Variants in FGF13 observed in about 807,000 individuals in gnomAD.
FGF13 encodes fibroblast growth factor homologous factor 2.
Under a neutral mutation model 19.5 loss-of-function variants are expected in FGF13, and 2 were observed. The ratio of observed to expected loss-of-function variants is 0.10; its 90% CI spans 0.04 to 0.32. The LOEUF (loss-of-function observed/expected upper bound fraction) is 0.32. FGF13 is among the 10% of genes least tolerant of loss of function. FGF13 has a pLI of 1.00. For synonymous variants in FGF13, 72 were observed against 76.9 expected, an observed-to-expected ratio of 0.94 and a Z score of 0.33; for missense variants, 113 against 192.7, an observed-to-expected ratio of 0.59 and a Z score of 2.45.
At chrX:138,887,737 G>T (rs1244446600) in intron 1 of FGF13, among the ~76,000 whole-genome samples, 1 of 111,988 alleles carries the variant, frequency 8.9e-6, no homozygotes, top group African/African-American at 3.2e-5. Flanking sequence ...CATTCAAGGG[G>T]ATGATGATAG....
chrX:139,199,355 A>G (rs1266491940), intron 1 of FGF13, among the ~76,000 whole-genome samples: 4 of 111,527 alleles, frequency 3.6e-5, no homozygotes, highest in Non-Finnish European at 7.5e-5. Flanking sequence ...CATTCTTTTC[A>G]AATTTCTCAA....
At chrX:139,072,704 T>C (rs1237939571) in intron 1 of FGF13, among the ~76,000 whole-genome samples, 1 of 111,880 alleles carries the variant, frequency 8.9e-6, no homozygotes, top group Non-Finnish European at 1.9e-5. Flanking sequence ...GGTTTATTTG[T>C]TTTTGTTACT....
At chrX:138,967,884 T>G (rs1016148960) in intron 1 of FGF13, among the ~76,000 whole-genome samples, 11 of 111,134 alleles carry the variant, frequency 9.9e-5, no homozygotes, top group Non-Finnish European at 1.7e-4. Flanking sequence ...TAAAGTTTCC[T>G]GCAAGCAGGA....
chrX:138,775,500 G>A (rs185848391), intron 3 of FGF13, among the ~76,000 whole-genome samples: 1 of 111,875 alleles, frequency 8.9e-6, no homozygotes, highest in African/African-American at 3.2e-5. Context: ...TGGACAGTGC[G>A]TCAAACATTT....
chrX:139,176,231 T>C (rs756621997), intron 1 of FGF13, among the ~76,000 whole-genome samples: 1 of 111,854 alleles, frequency 8.9e-6, no homozygotes, highest in Non-Finnish European at 1.9e-5. Context: ...TATGTTTCTG[T>C]GGGATCAGTG....
At chrX:139,148,470 G>A (rs901086885) in intron 1 of FGF13, among the ~76,000 whole-genome samples, 1 of 110,131 alleles carries the variant, frequency 9.1e-6, no homozygotes, top group Admixed American at 9.7e-5. Flanking sequence ...AATCATAAAG[G>A]CCAGCTTTTT....
rs185475218 is a variant in FGF13 at position 138,729,205 on chromosome X, G to C, written c.28+10037C>G. Among the ~76,000 whole-genome samples, 323 of 111,313 alleles carry C rather than the reference G, an allele frequency of 2.9e-3. 1 individual carries two copies. The highest frequency in any genetic ancestry group is 4.9e-3 in the Non-Finnish European group (258 of 52,913). On this transcript the variant is annotated intron_variant, in intron 1 of 4. Transcript: ENST00000305414. Reference sequence around the variant, plus strand: ...AGATCTGAGTCTCAGAGATGGCCCAGATTATGGGATTATCAAACAGGGACC... The same window carrying C: ...AGATCTGAGTCTCAGAGATGGCCCACATTATGGGATTATCAAACAGGGACC...
chrX:139,054,556 T>G (rs765673970), intron 1 of FGF13, among the ~76,000 whole-genome samples: 1 of 111,859 alleles, frequency 8.9e-6, no homozygotes, highest in African/African-American at 3.3e-5. Flanking sequence ...CTATGTGTAC[T>G]CTTTTTTTGG....
Position 138,621,213 on chromosome X carries a change from C to T in FGF13, c.*11637G>A, listed in dbSNP as rs372187208. The stretch of plus-strand genomic sequence containing the variant: ...ATTGCGCAGGTACATTTTGAAGATA[C>T]ATCAACTGTTAGGCCACAAAACAAG... On this transcript the variant is annotated 3_prime_UTR_variant, in exon 5 of 5. Coordinates refer to ENST00000315930, the MANE Select transcript of FGF13 (RefSeq NM_004114.5). 9.0e-6 allele frequency: 1 copy of T among 111,515 alleles called. No individual in the cohort carries two copies. The allele number at this position is 111,515 out of a possible 1,213,427, so 9.2% of individuals were successfully genotyped here. A position where few individuals can be genotyped will look rare whatever the true frequency, so the allele number is the denominator to read the frequency against.
chrX:138,686,427 T>A (rs1341150267), intron 3 of FGF13, among the ~76,000 whole-genome samples: 1 of 111,950 alleles, frequency 8.9e-6, no homozygotes, highest in African/African-American at 3.2e-5. Flanking sequence ...TTTTTCACAA[T>A]GTGCCCAATT....
At chrX:138,640,587 C>G (rs986433890) in intron 3 of FGF13, among the ~76,000 whole-genome samples, 1 of 111,382 alleles carries the variant, frequency 9.0e-6, no homozygotes, top group African/African-American at 3.3e-5. Flanking sequence ...TGAATTGAGC[C>G]AAGTAAGGAC....
At chrX:139,179,478 A>C (rs2084222273) in intron 1 of FGF13, among the ~76,000 whole-genome samples, 1 of 110,202 alleles carries the variant, frequency 9.1e-6, no homozygotes, top group African/African-American at 3.3e-5. Context: ...ATGCAGAGGA[A>C]TTGGATTCAC....
intron 1 of FGF13, among the ~76,000 whole-genome samples, chrX:139,106,246 G>A (rs1392744559): frequency 2.7e-5 from 3 of 112,450 alleles, no homozygotes; most frequent in Non-Finnish European, 5.6e-5. Flanking sequence ...ACTCCACAGA[G>A]GCAGTCAAGA....
At chrX:139,091,786 G>A (rs963676733) in intron 1 of FGF13, among the ~76,000 whole-genome samples, 1 of 111,176 alleles carries the variant, frequency 9.0e-6, no homozygotes, top group African/African-American at 3.3e-5. Context: ...TTCAGCAAGA[G>A]GTAAGGGGTC....
Position 138,711,568 on chromosome X carries a change from G to C in FGF13, c.-565C>G, listed in dbSNP as rs1208964866. The C allele has an allele frequency of 1.3e-6, 1 of 754,645 alleles. No individual in the cohort carries two copies. The highest frequency in any genetic ancestry group is 1.6e-6 in the Non-Finnish European group (1 of 639,566). The allele number at this position is 754,645 out of a possible 1,213,427, so 62.2% of individuals were successfully genotyped here. A position where few individuals can be genotyped will look rare whatever the true frequency, so the allele number is the denominator to read the frequency against. On this transcript the variant is annotated 5_prime_UTR_variant, in exon 1 of 5. In the 5' UTR this introduces an upstream ATG that the reference lacks. Coordinates refer to ENST00000315930, the MANE Select transcript of FGF13 (RefSeq NM_004114.5). ...ACTAGTCCTTGCAACTTCTTGGCGT[G>C]ATAATCGGGAAAAGTTGGCCCGTGC...
chrX:138,986,899 A>G (rs1356284230), intron 1 of FGF13, among the ~76,000 whole-genome samples: 2 of 112,470 alleles, frequency 1.8e-5, no homozygotes, highest in Admixed American at 1.9e-4. Flanking sequence ...AACATTCTTA[A>G]TAATCATCTA....
intron 1 of FGF13, among the ~76,000 whole-genome samples, chrX:139,164,211 C>T (rs1419455157): frequency 1.8e-5 from 2 of 109,653 alleles, no homozygotes; most frequent in Non-Finnish European, 3.8e-5. Flanking sequence ...CCCACTAATT[C>T]GTCATCTAGC....
At chrX:139,034,732 T>A (rs1221909368) in intron 1 of FGF13, among the ~76,000 whole-genome samples, 1 of 112,031 alleles carries the variant, frequency 8.9e-6, no homozygotes, top group Non-Finnish European at 1.9e-5. Flanking sequence ...ATTTATTTTC[T>A]TAAATAGAAG....
chrX:139,061,414 T>C (rs946446521), intron 1 of FGF13, among the ~76,000 whole-genome samples: 4 of 110,957 alleles, frequency 3.6e-5, no homozygotes, highest in Non-Finnish European at 7.6e-5. Context: ...TGGCACTACA[T>C]TAGTTACCCA....
Sources: allele counts gnomAD v4.1 joint callset (sites outside exome capture counted in the v4.1 genomes callset), GRCh38; gene constraint gnomAD v4.1.1; transcripts MANE v1.5; gene names NCBI Gene and HGNC (gene_info 2026-07-23, HGNC 2026-07-21).